The following MYOM1 variants were observed in gnomAD, a reference collection of about 807,000 sequenced individuals.
The protein encoded by MYOM1 is myomesin 1.
In MYOM1, 164 loss-of-function variants were observed where a neutral mutation model predicts 205.3. That is an observed-to-expected ratio of 0.80 (90% CI 0.70 to 0.91). MYOM1 has a LOEUF of 0.91. MYOM1 is among the 40% of genes least tolerant of loss of function. The pLI is 0.00. For synonymous variants in MYOM1, 772 were observed against 789.4 expected (o/e 0.98, Z 0.37); for missense variants, 2,011 against 2,127.3 (o/e 0.95, Z 1.08).
intron 2 of MYOM1, among the ~76,000 whole-genome samples, chr18:3,210,057 GA>G (rs1567970079): frequency 6.6e-6 from 1 of 152,000 alleles, no homozygotes; most frequent in African/African-American, 2.4e-5. Context: ...ATCTCTTTTC[GA>G]CCTCACAACA....
At chr18:3,191,064 A>G (rs537766156) in intron 3 of MYOM1, among the ~76,000 whole-genome samples, 1 of 152,338 alleles carries the variant, frequency 6.6e-6, no homozygotes, top group Non-Finnish European at 1.5e-5. Context: ...CCTTTAAGTA[A>G]AAGTCAGGAT....
At chr18:3,071,960 A>G (rs924855224) in intron 36 of MYOM1, 71 bp from the exon 37 acceptor site, 10 of 1,322,232 alleles carry the variant, frequency 7.6e-6, no homozygotes, top group African/African-American at 1.5e-5. Flanking sequence ...AAAACCACCC[A>G]GGAAGCTACA....
At chr18:3,194,427 C>T (rs2080965237) in intron 2 of MYOM1, among the ~76,000 whole-genome samples, 1 of 152,186 alleles carries the variant, frequency 6.6e-6, no homozygotes, top group African/African-American at 2.4e-5. Context: ...TTATAGGCAA[C>T]TCCTGCCTTT....
chr18:3,206,053 G>C (rs1008960086), intron 2 of MYOM1, among the ~76,000 whole-genome samples: 1 of 152,114 alleles, frequency 6.6e-6, no homozygotes, highest in African/African-American at 2.4e-5. Flanking sequence ...AACCACAAAG[G>C]CCAGTGCAAA....
In MYOM1 at chr18:3,126,683, A is replaced by G. The variant is rs1387725660; in HGVS notation, c.2991+18T>C. ...TCATACATAGGACACGCCACACTAC[A>G]GAAAGTCACGTGCTTACCTTGTATG... On this transcript the variant is annotated intron_variant, in intron 19 of 37. Coordinates refer to ENST00000356443, the MANE Select transcript of MYOM1 (RefSeq NM_003803.4). 2.5e-6 allele frequency: 4 copies of G among 1,603,480 alleles called. No individual in the cohort carries two copies. The highest frequency in any genetic ancestry group is 3.4e-6 in the Non-Finnish European group (4 of 1,174,024).
At chr18:3,198,657 G>A (rs1184580976) in intron 2 of MYOM1, among the ~76,000 whole-genome samples, 6 of 151,990 alleles carry the variant, frequency 3.9e-5, no homozygotes, top group East Asian at 1.9e-4. Flanking sequence ...GGTGGCGGGC[G>A]CCTGTAATCC....
At chr18:3,087,373 T>C (rs2079165931) in intron 29 of MYOM1, among the ~76,000 whole-genome samples, 1 of 151,958 alleles carries the variant, frequency 6.6e-6, no homozygotes, top group Non-Finnish European at 1.5e-5. Context: ...AAGTGGATCT[T>C]GTCTCCTTGC....
rs2078949184 is a variant in MYOM1 at position 3,070,736 on chromosome 18, T to TGTGTGTG, written c.4764+1097_4764+1098insCACACAC. 2.7e-5 allele frequency among the ~76,000 whole-genome samples: 4 copies of TGTGTGTG among 146,102 alleles called. No individual in the cohort carries two copies. The South Asian group carries it at 8.9e-4, about 32-fold the overall frequency. The stretch of plus-strand genomic sequence containing the variant: ...GAAAGAAACCAGAGGTGCATGTTCT[T>TGTGTGTG]TGTGTGTGTGTGTGTGTGTGTGTGT... On this transcript the variant is annotated intron_variant, in intron 37 of 37. Transcript: ENST00000356443.
the MYOM1 span, among the ~76,000 whole-genome samples, chr18:3,229,698 G>T: frequency 6.6e-6 from 1 of 152,070 alleles, no homozygotes; most frequent in Admixed American, 6.5e-5. Context: ...GGCCGGGCGC[G>T]GTGGCTCACG....
chr18:3,242,272 C>A, the MYOM1 span, among the ~76,000 whole-genome samples: 1 of 152,034 alleles, frequency 6.6e-6, no homozygotes, highest in South Asian at 2.1e-4. Flanking sequence ...TGGGACGGAC[C>A]CAGTGGGAGG....
chr18:3,142,272 T>C (rs535662381), intron 13 of MYOM1, among the ~76,000 whole-genome samples: 1 of 152,066 alleles, frequency 6.6e-6, no homozygotes, highest in African/African-American at 2.4e-5. Context: ...TTGGTTTTTT[T>C]TGGAGGGGGG....
intron 22 of MYOM1, among the ~76,000 whole-genome samples, chr18:3,111,243 C>T (rs75271510): frequency 0.029 from 3,871 of 131,788 alleles, 170 homozygotes; most frequent in African/African-American, 0.1. Flanking sequence ...TGCCTGGCCT[C>T]CGGTGCTTTC....
intron 29 of MYOM1, among the ~76,000 whole-genome samples, chr18:3,086,697 TATC>T (rs2143695430): frequency 6.6e-6 from 1 of 152,340 alleles, no homozygotes; most frequent in Admixed American, 6.5e-5. Flanking sequence ...CTTCTCATCA[TATC>T]ATCTATTTCA....
intron 10 of MYOM1, among the ~76,000 whole-genome samples, chr18:3,161,887 G>A (rs921870527): frequency 2.0e-5 from 3 of 152,008 alleles, no homozygotes; most frequent in Admixed American, 2.0e-4. Context: ...TTGAGCCATC[G>A]ACCCCTTTGA....
chr18:3,106,525 A>C (rs2079453858), intron 22 of MYOM1, among the ~76,000 whole-genome samples: 1 of 152,196 alleles, frequency 6.6e-6, no homozygotes, highest in Non-Finnish European at 1.5e-5. Context: ...AAAAATTGTA[A>C]TTTAAAATTA....
intron 2 of MYOM1, among the ~76,000 whole-genome samples, chr18:3,205,036 T>C (rs978148018): frequency 6.6e-6 from 1 of 152,112 alleles, no homozygotes; most frequent in African/African-American, 2.4e-5. Context: ...AGGACGAATT[T>C]AGAGCTTTAC....
At chr18:3,220,842 T>A (rs138545810), upstream of MYOM1, among the ~76,000 whole-genome samples, 1,454 of 152,360 alleles carry the variant, frequency 9.5e-3, 9 homozygotes, top group Non-Finnish European at 0.015. Flanking sequence ...ACAGAGCACT[T>A]GACCTAGTGA....
the MYOM1 span, among the ~76,000 whole-genome samples, chr18:3,235,986 T>C: frequency 6.6e-6 from 1 of 152,092 alleles, no homozygotes; most frequent in Non-Finnish European, 1.5e-5. Flanking sequence ...TCAAGAAACA[T>C]TTAGGATGTC....
chr18:3,227,043 G>A, the MYOM1 span, among the ~76,000 whole-genome samples: 21 of 152,314 alleles, frequency 1.4e-4, 1 homozygote, highest in South Asian at 4.4e-3. Flanking sequence ...CAGGGAACTG[G>A]AGGTGAGTAT....
Sources: allele counts gnomAD v4.1 joint callset (sites outside exome capture counted in the v4.1 genomes callset), GRCh38; gene constraint gnomAD v4.1.1; transcripts MANE v1.5; gene names NCBI Gene and HGNC (gene_info 2026-07-23, HGNC 2026-07-21).